WASHC3: variants seen among roughly 807,000 people sequenced by gnomAD.
WASHC3 encodes the protein WASH complex subunit 3, also known as WASH complex subunit CCDC53.
Under a neutral mutation model 26.1 loss-of-function variants are expected in WASHC3, and 24 were observed. The ratio of observed to expected loss-of-function variants is 0.92; its 90% confidence interval spans 0.66 to 1.29. The LOEUF is 1.29. Ranked by LOEUF, WASHC3 falls within the 50% of genes most tolerant of loss-of-function variation. WASHC3 has a pLI of 0.00. For missense variants in WASHC3, 214 were observed against 229.6 expected, an observed-to-expected ratio of 0.93 and a Z score of 0.44; for synonymous variants, 77 against 75.7, an observed-to-expected ratio of 1.02 and a Z score of -0.09.
At position 102,061,242 on chromosome 12, in the gene WASHC3, A is replaced by C. The variant is rs1402776572; in HGVS notation, c.150+6T>G. 1 of 1,604,486 alleles carries C rather than the reference A, an allele frequency of 6.2e-7. No homozygotes were observed. Among genetic ancestry groups the C allele is most frequent in the South Asian group, 1.1e-5 (1 of 90,808 alleles). On this transcript the variant is annotated splice_donor_region_variant and intron_variant, in intron 2 of 6. Coordinates refer to ENST00000240079, the MANE Select transcript of WASHC3 (RefSeq NM_016053.4). ...CGACTCTATAAACCAGTATCACCGG[A>C]CCTACCTCCTCACAAACTGTAGAAA...
chr12:102,021,076 C>T (rs541041484), intron 6 of WASHC3, among the ~76,000 whole-genome samples: 3 of 152,144 alleles, frequency 2.0e-5, no homozygotes, highest in African/African-American at 7.2e-5. Context: ...GAGCAAAATT[C>T]CATCTCAAAA....
chr12:102,039,036 T>C (rs1162527822), intron 5 of WASHC3, among the ~76,000 whole-genome samples: 1 of 151,772 alleles, frequency 6.6e-6, no homozygotes, highest in Non-Finnish European at 1.5e-5. Context: ...GGTGAGCCAC[T>C]GCACCCTTGA....
chr12:102,029,684 C>G (rs1877349023), intron 5 of WASHC3, among the ~76,000 whole-genome samples: 1 of 152,094 alleles, frequency 6.6e-6, no homozygotes. Context: ...TTAAAAATAA[C>G]TAAAAATGCT....
chr12:102,017,791 C>CT, intron 6 of WASHC3: 2 of 434,850 alleles, frequency 4.6e-6, no homozygotes, highest in Admixed American at 2.6e-5. Flanking sequence ...TCATTTTTTT[C>CT]TTTTTTTAAT....
At position 102,044,104 on chromosome 12, in the gene WASHC3, C is replaced by A; in HGVS notation, c.324+1G>T. On this transcript the variant is annotated splice_donor_variant, in intron 4 of 6. Coordinates refer to ENST00000240079, the MANE Select transcript of WASHC3 (RefSeq NM_016053.4). LOFTEE classifies it high-confidence loss of function. ...CTGCTCGTTTCTTAGAACTCACTTA[C>A]CTGTGGTTGCTCTGAAGTGGCTTCA... 1 of 1,549,866 alleles carries A rather than the reference C, an allele frequency of 6.5e-7. No homozygotes were observed. The highest frequency in any genetic ancestry group is 8.9e-7 in the Non-Finnish European group (1 of 1,128,052).
In WASHC3 at chr12:102,050,453, AACACACAC is replaced by A. The variant is rs58251617; in HGVS notation, c.151-4342_151-4335del. 6.2e-3 allele frequency: 2,079 copies of A among 333,840 alleles called. 31 individuals carry two copies. Among genetic ancestry groups the A allele is most frequent in the Admixed American group, 0.052 (1,437 of 27,894 alleles). The allele number at this position is 333,840 out of a possible 1,614,324, so 20.7% of individuals were successfully genotyped here. A position where few individuals can be genotyped will look rare whatever the true frequency, so the allele number is the denominator to read the frequency against. ...GATAATGTAGTAAGATGCCATCTCT[AACACACAC>A]ACACACACACACACACACACACACA... On this transcript the variant is annotated intron_variant, in intron 2 of 6. Transcript: ENST00000240079.
chr12:102,035,835 G>A (rs897879187), intron 5 of WASHC3, among the ~76,000 whole-genome samples: 1 of 152,172 alleles, frequency 6.6e-6, no homozygotes, highest in Non-Finnish European at 1.5e-5. Flanking sequence ...ACAAACTCCA[G>A]GAAGAATACC....
rs1367777525 is a variant in WASHC3, at chr12:102,044,108, T to G, written c.321A>C (p.Pro107=). 1 of 1,567,742 alleles carries G rather than the reference T, an allele frequency of 6.4e-7. No homozygotes were observed. Among genetic ancestry groups the G allele is most frequent in the Non-Finnish European group, 8.7e-7 (1 of 1,142,956 alleles). ...GAHPEATSEQ[P]QQNSTQDSGL... ...TCGTTTCTTAGAACTCACTTACCTGTGGTTGCTCTGAAGTGGCTTCAGGAT... is the reference window on the plus strand; with the variant it reads ...TCGTTTCTTAGAACTCACTTACCTGGGGTTGCTCTGAAGTGGCTTCAGGAT... The change falls in exon 4 of 7, where the codon CCA becomes CCC. Residue 107 remains proline, a synonymous_variant. Coordinates refer to ENST00000240079, the MANE Select transcript of WASHC3 (RefSeq NM_016053.4).
intron 6 of WASHC3, chr12:102,019,478 C>T: frequency 4.1e-6 from 1 of 245,792 alleles, no homozygotes; most frequent in African/African-American, 2.3e-5. Flanking sequence ...ACACACTTTA[C>T]TACTAAAATT....
At chr12:102,053,130 C>T (rs2136686901) in intron 2 of WASHC3, among the ~76,000 whole-genome samples, 1 of 152,066 alleles carries the variant, frequency 6.6e-6, no homozygotes, top group African/African-American at 2.4e-5. Context: ...GACCCAGGCC[C>T]ACCCCCACAT....
chr12:102,016,273 T>G (rs753136071), intron 6 of WASHC3, among the ~76,000 whole-genome samples: 3 of 152,002 alleles, frequency 2.0e-5, no homozygotes, highest in Non-Finnish European at 2.9e-5. Context: ...GGTGCAATCT[T>G]GGCTCACTGC....
intron 2 of WASHC3, among the ~76,000 whole-genome samples, chr12:102,057,645 G>GA (rs530434143): frequency 1.1e-3 from 160 of 150,706 alleles, no homozygotes; most frequent in African/African-American, 3.5e-3. Context: ...TGAAAAAAAA[G>GA]AAAAAAAATC....
intron 5 of WASHC3, among the ~76,000 whole-genome samples, chr12:102,034,781 A>AGTGTGTGTGTGTGTGTGT (rs60815635): frequency 6.8e-6 from 1 of 146,066 alleles, no homozygotes; most frequent in African/African-American, 2.5e-5. Context: ...CCTAAAAAAA[A>AGTGTGTGTGTGTGTGTGT]GTGTGTGTGT....
chr12:102,054,899 T>G (rs1197967257), intron 2 of WASHC3, among the ~76,000 whole-genome samples: 3 of 151,834 alleles, frequency 2.0e-5, no homozygotes, highest in African/African-American at 4.8e-5. Context: ...TTATGGGAGG[T>G]GGCAAAAGCA....
chr12:102,023,125 T>C (rs1877024309), intron 6 of WASHC3, among the ~76,000 whole-genome samples: 1 of 152,184 alleles, frequency 6.6e-6, no homozygotes, highest in African/African-American at 2.4e-5. Flanking sequence ...TTCTACAGTT[T>C]TATAGAATTC....
intron 2 of WASHC3, among the ~76,000 whole-genome samples, chr12:102,051,165 T>G (rs1878379024): frequency 2.0e-5 from 3 of 152,246 alleles, no homozygotes; most frequent in Admixed American, 2.0e-4. Context: ...AGGGTTTATC[T>G]GTGACTGAAG....
chr12:102,013,807 C>A (rs1334144605), intron 6 of WASHC3, among the ~76,000 whole-genome samples: 1 of 152,100 alleles, frequency 6.6e-6, no homozygotes, highest in Non-Finnish European at 1.5e-5. Flanking sequence ...TTTCAAAGAT[C>A]CCCTAGGCAT....
chr12:102,020,566 TAA>T (rs1411652107), intron 6 of WASHC3, among the ~76,000 whole-genome samples: 1 of 152,176 alleles, frequency 6.6e-6, no homozygotes, highest in Non-Finnish European at 1.5e-5. Context: ...ACATGTATGA[TAA>T]AGAGTTTAAA....
At chr12:102,038,550 G>A (rs944166795) in intron 5 of WASHC3, among the ~76,000 whole-genome samples, 6 of 151,978 alleles carry the variant, frequency 3.9e-5, no homozygotes, top group Non-Finnish European at 2.9e-5. Context: ...TGTTGTTGTT[G>A]TTTTTTAACA....
Sources: gnomAD v4.1 joint callset for allele counts (sites outside exome capture counted in the v4.1 genomes callset) on GRCh38, gnomAD v4.1.1 for gene constraint, MANE v1.5 for transcripts, NCBI Gene and HGNC (gene_info 2026-07-23, HGNC 2026-07-21) for gene names.